NBAS: variants seen among roughly 807,000 people sequenced by gnomAD.
The protein encoded by NBAS is NAG/BC035112 fusion.
In NBAS, 219 loss-of-function variants were observed where a neutral mutation model predicts 302.5. That is an observed-to-expected ratio of 0.72 (90% CI 0.65 to 0.81). The LOEUF (loss-of-function observed/expected upper bound fraction) is 0.81, where lower values mean the gene tolerates loss of function less well. Ranked by LOEUF, NBAS falls within the 30% of genes least tolerant of loss-of-function variation. NBAS has a pLI of 0.00. For missense variants in NBAS, 2,932 were observed against 2,841.6 expected (o/e 1.03, Z -0.72); for synonymous variants, 1,118 against 1,021.6 (o/e 1.09, Z -1.80).
the NBAS span, among the ~76,000 whole-genome samples, chr2:15,154,910 G>A: frequency 4.6e-5 from 7 of 152,298 alleles, no homozygotes; most frequent in African/African-American, 1.7e-4. Flanking sequence ...CTCCCTACAC[G>A]AAGAGGCTGG....
the NBAS span, among the ~76,000 whole-genome samples, chr2:15,037,448 G>A: frequency 2.0e-5 from 3 of 152,012 alleles, no homozygotes; most frequent in South Asian, 2.1e-4. Flanking sequence ...TACAACTGCC[G>A]ACATGCTCAG....
chr2:15,443,042 A>C (rs908732151), intron 21 of NBAS, among the ~76,000 whole-genome samples: 3 of 151,508 alleles, frequency 2.0e-5, no homozygotes, highest in African/African-American at 4.8e-5. Context: ...GTCCAGGACC[A>C]GATGGATTCA....
chr2:14,853,916 C>T, the NBAS span, among the ~76,000 whole-genome samples: 2 of 93,878 alleles, frequency 2.1e-5, no homozygotes, highest in Non-Finnish European at 4.0e-5. Context: ...ACTCTGGGGA[C>T]TGTGGTGGGG....
the NBAS span, among the ~76,000 whole-genome samples, chr2:14,887,351 T>C: frequency 6.8e-6 from 1 of 146,114 alleles, no homozygotes; most frequent in South Asian, 2.2e-4. Context: ...TGCAGTGATC[T>C]GAGATCGCGC....
At chr2:14,848,202 C>T in the NBAS span, among the ~76,000 whole-genome samples, 23 of 151,382 alleles carry the variant, frequency 1.5e-4, no homozygotes, top group Admixed American at 2.6e-4. Flanking sequence ...AGAGAGTGGG[C>T]GCAGGACAGT....
chr2:15,225,302 G>C (rs1000511292), intron 47 of NBAS, among the ~76,000 whole-genome samples: 1 of 152,188 alleles, frequency 6.6e-6, no homozygotes, highest in South Asian at 2.1e-4. Flanking sequence ...AATATGGCCT[G>C]AAGTGATACA....
chr2:14,904,845 C>A, the NBAS span, among the ~76,000 whole-genome samples: 2 of 152,120 alleles, frequency 1.3e-5, no homozygotes, highest in African/African-American at 4.8e-5. Flanking sequence ...GTCAGGAGAT[C>A]GAGACCATCC....
the NBAS span, among the ~76,000 whole-genome samples, chr2:14,792,893 C>T: frequency 6.6e-6 from 1 of 152,024 alleles, no homozygotes; most frequent in Non-Finnish European, 1.5e-5. Context: ...ACTGTGTCAG[C>T]CTAAAATTAT....
At chr2:15,405,390 C>T (rs190361354) in intron 25 of NBAS, among the ~76,000 whole-genome samples, 1 of 152,228 alleles carries the variant, frequency 6.6e-6, no homozygotes, top group Admixed American at 6.5e-5. Context: ...TCAATCTTTC[C>T]CTGTTAGAAT....
the NBAS span, among the ~76,000 whole-genome samples, chr2:14,970,724 G>T: frequency 6.6e-6 from 1 of 152,206 alleles, no homozygotes; most frequent in African/African-American, 2.4e-5. Context: ...GAAGACCTCT[G>T]CTAGGAGGCC....
chr2:15,259,141 A>AT (rs1237913389), intron 44 of NBAS, among the ~76,000 whole-genome samples: 2 of 152,168 alleles, frequency 1.3e-5, no homozygotes, highest in East Asian at 1.9e-4. Flanking sequence ...CTGAATATAG[A>AT]TTTTTTAAAA....
intron 9 of NBAS, among the ~76,000 whole-genome samples, chr2:15,528,917 ACACAC>A: frequency 6.8e-6 from 1 of 147,332 alleles, no homozygotes; most frequent in Admixed American, 6.8e-5. Flanking sequence ...ATATATATAC[ACACAC>A]ACATATATAT....
At chr2:15,344,812 C>A (rs1219669167) in intron 35 of NBAS, among the ~76,000 whole-genome samples, 1 of 152,138 alleles carries the variant, frequency 6.6e-6, no homozygotes, top group East Asian at 1.9e-4. Flanking sequence ...AACTTACCCA[C>A]CACGATCAAG....
the NBAS span, among the ~76,000 whole-genome samples, chr2:14,862,841 G>A: frequency 6.6e-6 from 1 of 152,080 alleles, no homozygotes; most frequent in Non-Finnish European, 1.5e-5. Flanking sequence ...TGGTGGTCGG[G>A]CAGCCTCCCA....
the NBAS span, among the ~76,000 whole-genome samples, chr2:15,026,806 A>G: frequency 1.3e-5 from 2 of 152,124 alleles, no homozygotes; most frequent in African/African-American, 4.8e-5. Context: ...AATATATTTT[A>G]TGTATGATGT....
the NBAS span, among the ~76,000 whole-genome samples, chr2:14,985,450 G>A: frequency 6.4e-4 from 97 of 152,338 alleles, no homozygotes; most frequent in Non-Finnish European, 1.2e-3. Context: ...CAGCAGAGAC[G>A]ATAGGAAGTA....
the NBAS span, among the ~76,000 whole-genome samples, chr2:15,145,913 G>T: frequency 6.6e-6 from 1 of 152,004 alleles, no homozygotes; most frequent in African/African-American, 2.4e-5. Flanking sequence ...TAAGGTGAAT[G>T]CTTTCTTCGA....
Position 15,476,013 on chromosome 2 carries a change from A to G in NBAS, c.1148-133T>C, listed in dbSNP as rs567026161. ...GGGCCCTAATGGTATGTTAAATAAT[A>G]AGAAAAAATAAAATGTAAGTCATTC... On this transcript the variant is annotated intron_variant, in intron 13 of 51. Transcript: ENST00000281513. 6.0e-6 allele frequency: 4 copies of G among 671,392 alleles called. No individual in the cohort carries two copies. In the East Asian group the frequency reaches 8.5e-5, roughly 14 times the overall value. 41.6% of individuals were successfully genotyped at this position (671,392 alleles called of 1,614,324 possible). A position where few individuals can be genotyped will look rare whatever the true frequency, so the allele number is the denominator to read the frequency against.
the NBAS span, among the ~76,000 whole-genome samples, chr2:14,987,057 C>T: frequency 6.6e-6 from 1 of 152,002 alleles, no homozygotes; most frequent in Non-Finnish European, 1.5e-5. Context: ...ATAGATATGA[C>T]ATGATTTCAG....
Sources: gnomAD v4.1 joint callset for allele counts (sites outside exome capture counted in the v4.1 genomes callset) on GRCh38, gnomAD v4.1.1 for gene constraint, MANE v1.5 for transcripts, NCBI Gene and HGNC (gene_info 2026-07-23, HGNC 2026-07-21) for gene names.